PCDHA8: variants seen among roughly 807,000 people sequenced by gnomAD.
The protein encoded by PCDHA8 is protocadherin alpha-8.
PCDHA8 carries 53 observed loss-of-function variants against 61.8 expected under a neutral mutation model. The ratio of observed to expected loss-of-function variants is 0.86; its 90% CI spans 0.69 to 1.08. The LOEUF is 1.08. Among genes scored for constraint, PCDHA8 ranks in the 50% least tolerant of loss-of-function variants. PCDHA8 has a pLI of 0.00. For missense variants in PCDHA8, 1,293 were observed against 1,245.0 expected (o/e 1.04, Z -0.58); for synonymous variants, 618 against 556.6 (o/e 1.11, Z -1.55).
At chr5:140,925,383 T>C (rs1554202722) in intron 1 of PCDHA8, among the ~76,000 whole-genome samples, 2 of 152,140 alleles carry the variant, frequency 1.3e-5, no homozygotes, top group African/African-American at 2.4e-5. Flanking sequence ...TCAATGAGTC[T>C]CCTTTTGGCT....
chr5:140,892,580 A>G (rs1462175198), intron 1 of PCDHA8, among the ~76,000 whole-genome samples: 1 of 152,198 alleles, frequency 6.6e-6, no homozygotes, highest in African/African-American at 2.4e-5. Context: ...AGTATATCTC[A>G]GTATTCATTC....
Position 140,842,979 on chromosome 5 carries a change from T to C in PCDHA8, c.1658T>C (p.Val553Ala), listed in dbSNP as rs2150349093. ...CTGGGCAGCAACGTGACGCTGCAGG[T>C]GTTCGTGCTGGACGAGAATGACAAC... is the stretch of plus-strand genomic sequence containing the variant. Reference protein sequence around the residue: ...PPLGSNVTLQVFVLDENDNAP... With the variant: ...PPLGSNVTLQAFVLDENDNAP... The change falls in exon 1 of 4, where the codon GTG becomes GCG. Residue 553 changes from valine to alanine, a missense_variant. Physicochemically the swap from Val to Ala is moderately conservative, Grantham distance 64. Coordinates refer to ENST00000531613, the MANE Select transcript of PCDHA8 (RefSeq NM_018911.3). 1 of 1,594,876 alleles carries C rather than the reference T, an allele frequency of 6.3e-7. No individual in the cohort carries two copies. Among genetic ancestry groups the C allele is most frequent in the Non-Finnish European group, 8.6e-7 (1 of 1,165,446 alleles).
At chr5:140,978,486 G>T (rs1289847782) in intron 1 of PCDHA8, among the ~76,000 whole-genome samples, 1 of 152,248 alleles carries the variant, frequency 6.6e-6, no homozygotes, top group Admixed American at 6.5e-5. Flanking sequence ...AGTCTGCAAA[G>T]CCAGCAGCAG....
chr5:140,869,652 A>C (rs2051311295), intron 1 of PCDHA8: 4 of 1,613,458 alleles, frequency 2.5e-6, no homozygotes, highest in South Asian at 2.2e-5. Context: ...TAGATTCACC[A>C]ACAAATGGTA....
chr5:140,873,246 T>C (rs1554166632), intron 1 of PCDHA8, among the ~76,000 whole-genome samples: 1 of 152,142 alleles, frequency 6.6e-6, no homozygotes, highest in African/African-American at 2.4e-5. Flanking sequence ...ATATAAAATA[T>C]TTCAGACTCA....
intron 1 of PCDHA8, among the ~76,000 whole-genome samples, chr5:140,971,015 G>C (rs1425390222): frequency 6.6e-6 from 1 of 152,228 alleles, no homozygotes; most frequent in Non-Finnish European, 1.5e-5. Flanking sequence ...GAAGTCTTTA[G>C]ATCGTAGCAT....
intron 1 of PCDHA8, chr5:140,884,558 C>T: frequency 3.7e-6 from 6 of 1,614,146 alleles, no homozygotes; most frequent in Non-Finnish European, 5.1e-6. Flanking sequence ...TGGGGAGGGC[C>T]CGCATAAGAC....
intron 1 of PCDHA8, chr5:140,868,220 A>C (rs1360862031): frequency 6.6e-6 from 1 of 152,156 alleles, no homozygotes; most frequent in Admixed American, 6.5e-5. Context: ...TATATGTCAA[A>C]TAAAAACTCA....
rs575141569 is a variant in PCDHA8, at chr5:140,917,876, CT to C, written c.2395-61063del. Among the ~76,000 whole-genome samples, 1,293 of 147,130 alleles carry C rather than the reference CT, an allele frequency of 8.8e-3. 5 individuals carry two copies. Among genetic ancestry groups the C allele is most frequent in the African/African-American group, 0.02 (816 of 40,244 alleles). ...TAGGATTGCTTTGACTATTTGGGCT[CT>C]TTTTTTTTTCCATATGAATGTTAGG... On this transcript the variant is annotated intron_variant, in intron 1 of 3. Coordinates refer to ENST00000531613, the MANE Select transcript of PCDHA8 (RefSeq NM_018911.3).
chr5:140,879,010 G>T (rs2057809352), intron 1 of PCDHA8, among the ~76,000 whole-genome samples: 1 of 152,200 alleles, frequency 6.6e-6, no homozygotes, highest in African/African-American at 2.4e-5. Context: ...CTAGAAATCA[G>T]ATAATGTTTT....
At chr5:140,960,306 A>G (rs1554224657) in intron 1 of PCDHA8, among the ~76,000 whole-genome samples, 1 of 152,136 alleles carries the variant, frequency 6.6e-6, no homozygotes, top group African/African-American at 2.4e-5. Context: ...ATCAATACCA[A>G]CCTCATTAGG....
intron 1 of PCDHA8, chr5:140,883,711 C>G: frequency 6.2e-7 from 1 of 1,613,576 alleles, no homozygotes; most frequent in Admixed American, 1.7e-5. Flanking sequence ...CTGCTCAGGA[C>G]GCGGACGCAC....
chr5:140,991,885 A>G (rs1554252463), intron 3 of PCDHA8, among the ~76,000 whole-genome samples: 1 of 152,198 alleles, frequency 6.6e-6, no homozygotes, highest in Non-Finnish European at 1.5e-5. Context: ...GGCTGCCATA[A>G]CAAATTAACA....
chr5:140,850,540 C>T, intron 1 of PCDHA8: 1 of 1,598,246 alleles, frequency 6.3e-7, no homozygotes, highest in Non-Finnish European at 8.6e-7. Flanking sequence ...TCGTCGCGGG[C>T]GTCAGTGGGT....
intron 3 of PCDHA8, among the ~76,000 whole-genome samples, chr5:140,985,672 G>A (rs1195009915): frequency 6.6e-6 from 1 of 151,738 alleles, no homozygotes. Flanking sequence ...AGGAAGTGGG[G>A]CCTGCCTTAC....
chr5:140,882,346 G>A (rs146510190), intron 1 of PCDHA8: 86 of 1,614,078 alleles, frequency 5.3e-5, no homozygotes, highest in African/African-American at 9.3e-5. Flanking sequence ...CCTGGGAGAC[G>A]GGTAGTGGCC....
chr5:140,936,016 C>G (rs1170221921), intron 1 of PCDHA8, among the ~76,000 whole-genome samples: 1 of 151,732 alleles, frequency 6.6e-6, no homozygotes, highest in Non-Finnish European at 1.5e-5. Context: ...CCTCAGCCTC[C>G]CGAGTAGCGG....
intron 1 of PCDHA8, among the ~76,000 whole-genome samples, chr5:140,942,619 T>TA (rs35075175): frequency 5.6e-4 from 83 of 148,996 alleles, no homozygotes; most frequent in Non-Finnish European, 6.7e-4. Flanking sequence ...TTGCCAATTG[T>TA]AAAAAAAAAA....
intron 1 of PCDHA8, chr5:140,856,840 C>G: frequency 6.3e-7 from 1 of 1,591,894 alleles, no homozygotes; most frequent in Non-Finnish European, 8.6e-7. Flanking sequence ...TACGGCTCAA[C>G]GCTTCTGATT....
Sources: allele counts gnomAD v4.1 joint callset (sites outside exome capture counted in the v4.1 genomes callset), GRCh38; gene constraint gnomAD v4.1.1; transcripts MANE v1.5; gene names NCBI Gene and HGNC (gene_info 2026-07-23, HGNC 2026-07-21).